The following NEBL variants were observed in gnomAD, a reference collection of about 807,000 sequenced individuals.
NEBL encodes the protein LIM and SH3 protein 2.
In NEBL, 122 loss-of-function variants were observed where a neutral mutation model predicts 140.2. The ratio of observed to expected loss-of-function variants is 0.87; its 90% CI spans 0.75 to 1.01. The LOEUF (loss-of-function observed/expected upper bound fraction) is 1.01, where lower values mean the gene tolerates loss of function less well. Among genes scored for constraint, NEBL ranks in the 50% least tolerant of loss-of-function variants. The pLI is 0.00. For missense variants in NEBL, 1,365 were observed against 1,231.3 expected (o/e 1.11, Z -1.62); for synonymous variants, 436 against 398.9 (o/e 1.09, Z -1.11).
intron 11 of NEBL, among the ~76,000 whole-genome samples, chr10:20,847,821 C>T (rs1032473918): frequency 6.6e-6 from 1 of 152,150 alleles, no homozygotes; most frequent in East Asian, 1.9e-4. Context: ...CTAATCCTAA[C>T]GTAACATTAT....
intron 3 of NEBL, among the ~76,000 whole-genome samples, chr10:21,216,768 C>T (rs1841997519): frequency 7.8e-6 from 1 of 128,950 alleles, no homozygotes; most frequent in South Asian, 2.2e-4. Context: ...AAGACTCCAT[C>T]TCGAAAAAAA....
At chr10:21,085,054 T>C (rs1006225552) in intron 2 of NEBL, among the ~76,000 whole-genome samples, 14 of 152,218 alleles carry the variant, frequency 9.2e-5, no homozygotes, top group African/African-American at 3.1e-4. Flanking sequence ...ACATTCACTG[T>C]GCCTGAATAG....
chr10:20,811,304 C>A (rs1318812118), intron 24 of NEBL, among the ~76,000 whole-genome samples: 1 of 152,126 alleles, frequency 6.6e-6, no homozygotes, highest in Non-Finnish European at 1.5e-5. Flanking sequence ...TTTTTAGCAA[C>A]GACCTCACCA....
rs1838646843 is a variant in NEBL at position 20,815,605 on chromosome 10, A to C, written c.2241+20T>G. ...AAGACACATCCTTTGTGATAGTCTA[A>C]AATGAAGAAAACCACTTGCCGAGCT... On this transcript the variant is annotated intron_variant, in intron 22 of 27. Transcript: ENST00000377122. The C allele has an allele frequency of 1.9e-6, 3 of 1,552,844 alleles. No individual in the cohort carries two copies. Among genetic ancestry groups the C allele is most frequent in the Non-Finnish European group, 2.7e-6 (3 of 1,124,596 alleles).
In NEBL at chr10:21,164,032, C is replaced by T. The variant is rs79210268; in HGVS notation, c.164+8351G>A. On this transcript the variant is annotated intron_variant, in intron 2 of 6. Transcript: ENST00000417816. ...GTTAGGTCTGTGCCCTATCTAGGTT[C>T]GACCAGAGAGGCCTGAAGAACTGTT... is the stretch of plus-strand genomic sequence containing the variant. 1.4e-3 allele frequency among the ~76,000 whole-genome samples: 214 copies of T among 152,278 alleles called. 5 individuals are homozygous for T. The East Asian group carries it at 0.037, about 26-fold the overall frequency.
chr10:21,169,390 T>C (rs1285263811), intron 2 of NEBL, among the ~76,000 whole-genome samples: 1 of 151,784 alleles, frequency 6.6e-6, no homozygotes, highest in Non-Finnish European at 1.5e-5. Context: ...CATAAGAAAA[T>C]CAATTTTCTA....
chr10:20,945,687 G>A (rs933955467), intron 4 of NEBL, among the ~76,000 whole-genome samples: 8 of 152,254 alleles, frequency 5.3e-5, no homozygotes, highest in South Asian at 2.1e-4. Flanking sequence ...CCAAAATGCC[G>A]TTTAAGAACA....
intron 1 of NEBL, among the ~76,000 whole-genome samples, chr10:21,260,794 A>G (rs1842728364): frequency 6.6e-6 from 1 of 152,192 alleles, no homozygotes; most frequent in South Asian, 2.1e-4. Flanking sequence ...TTCTAGCCAC[A>G]CACAAAACAG....
intron 2 of NEBL, chr10:21,029,848 C>T (rs966095369): frequency 1.5e-6 from 1 of 685,808 alleles, no homozygotes; most frequent in Non-Finnish European, 2.7e-6. Flanking sequence ...GGGCATTTGG[C>T]AGTGGGTACC....
chr10:21,214,209 A>G (rs1841955882), intron 3 of NEBL, among the ~76,000 whole-genome samples: 2 of 151,848 alleles, frequency 1.3e-5, no homozygotes, highest in South Asian at 4.1e-4. Flanking sequence ...TATCATGCAC[A>G]CACACAAAAG....
intron 4 of NEBL, among the ~76,000 whole-genome samples, chr10:20,935,507 A>T (rs1834433072): frequency 6.6e-6 from 1 of 152,184 alleles, no homozygotes; most frequent in Admixed American, 6.5e-5. Context: ...AAATATTTGC[A>T]TCGCCTGGAA....
chr10:20,901,507 A>G (rs959246915), upstream of NEBL, among the ~76,000 whole-genome samples: 1 of 152,084 alleles, frequency 6.6e-6, no homozygotes, highest in Non-Finnish European at 1.5e-5. Flanking sequence ...TTTCCTCAAC[A>G]TGGTGATACA....
intron 1 of NEBL, among the ~76,000 whole-genome samples, chr10:21,283,409 T>C (rs754465496): frequency 6.6e-6 from 1 of 152,140 alleles, no homozygotes; most frequent in Non-Finnish European, 1.5e-5. Context: ...GTATACAAAG[T>C]AGCCATTCTT....
intron 4 of NEBL, among the ~76,000 whole-genome samples, chr10:20,903,551 A>C (rs1165284509): frequency 6.6e-6 from 1 of 152,188 alleles, no homozygotes; most frequent in African/African-American, 2.4e-5. Flanking sequence ...TTATATCAAA[A>C]AGACATCTGC....
intron 3 of NEBL, among the ~76,000 whole-genome samples, chr10:21,194,141 AT>A (rs55771961): frequency 1.3e-4 from 19 of 149,400 alleles, no homozygotes; most frequent in East Asian, 5.9e-4. Flanking sequence ...TGCCTGGCTA[AT>A]TTTTTTTTTA....
intron 4 of NEBL, among the ~76,000 whole-genome samples, chr10:20,939,769 G>A (rs1351407721): frequency 6.6e-6 from 1 of 152,064 alleles, no homozygotes; most frequent in Admixed American, 6.6e-5. Flanking sequence ...AATATAAAAA[G>A]GCAGGGGTTG....
chr10:21,157,044 T>G (rs1840361452), intron 2 of NEBL, among the ~76,000 whole-genome samples: 2 of 152,186 alleles, frequency 1.3e-5, no homozygotes, highest in African/African-American at 4.8e-5. Flanking sequence ...TCTAATTGTT[T>G]TACAAGCTTA....
chr10:21,231,234 C>G (rs72798586), intron 3 of NEBL, among the ~76,000 whole-genome samples: 6 of 152,110 alleles, frequency 3.9e-5, no homozygotes, highest in Non-Finnish European at 8.8e-5. Context: ...GACAAGCAAA[C>G]ATGTGCTGTG....
intron 11 of NEBL, among the ~76,000 whole-genome samples, chr10:20,847,869 G>A (rs910076021): frequency 2.0e-5 from 3 of 152,168 alleles, no homozygotes; most frequent in Non-Finnish European, 4.4e-5. Flanking sequence ...GACAAGGTCT[G>A]TTTAGAAATA....
Sources: allele counts gnomAD v4.1 joint callset (sites outside exome capture counted in the v4.1 genomes callset), GRCh38; gene constraint gnomAD v4.1.1; transcripts MANE v1.5; gene names NCBI Gene and HGNC (gene_info 2026-07-23, HGNC 2026-07-21).